Variants in ETV6 observed in about 807,000 individuals in gnomAD.
ETV6 encodes the protein ETS variant transcription factor 6.
A neutral mutation model predicts 51.1 loss-of-function variants in ETV6; 16 were observed. The ratio of observed to expected loss-of-function variants is 0.31; its 90% CI spans 0.21 to 0.48. ETV6 has a LOEUF of 0.48. Ranked by LOEUF, ETV6 falls within the 20% of genes least tolerant of loss-of-function variation. The probability of loss-of-function intolerance (pLI) is 0.99; values close to 1 mark genes in which losing one functional copy is unlikely to be tolerated. For missense variants in ETV6, 458 were observed against 594.8 expected, an observed-to-expected ratio of 0.77 and a Z score of 2.39; for synonymous variants, 240 against 224.1, an observed-to-expected ratio of 1.07 and a Z score of -0.64.
chr12:11,859,437 G>A (rs1028744814), intron 4 of ETV6, among the ~76,000 whole-genome samples: 2 of 151,904 alleles, frequency 1.3e-5, no homozygotes, highest in African/African-American at 2.4e-5. Context: ...CACCACACCC[G>A]GCCTGAATCT....
chr12:11,683,829 T>G (rs887155531), intron 1 of ETV6, among the ~76,000 whole-genome samples: 2 of 152,192 alleles, frequency 1.3e-5, no homozygotes, highest in Non-Finnish European at 2.9e-5. Context: ...GTGTTACCTT[T>G]TTTTCCTGTG....
chr12:11,716,098 C>T (rs576866345), intron 1 of ETV6, among the ~76,000 whole-genome samples: 5 of 152,150 alleles, frequency 3.3e-5, no homozygotes, highest in East Asian at 3.9e-4. Flanking sequence ...CGGTGGCTGA[C>T]GCCTGTAATC....
chr12:11,724,093 G>T (rs915562610), intron 1 of ETV6, among the ~76,000 whole-genome samples: 1 of 152,104 alleles, frequency 6.6e-6, no homozygotes, highest in African/African-American at 2.4e-5. Flanking sequence ...TAGGGAAGCT[G>T]GTTGTCAAGT....
chr12:11,727,915 G>T (rs1004561605), intron 1 of ETV6, among the ~76,000 whole-genome samples: 5 of 152,102 alleles, frequency 3.3e-5, no homozygotes, highest in African/African-American at 4.8e-5. Context: ...TACCTCCCGG[G>T]CTCAAGCAGT....
chr12:11,831,656 C>T (rs1006775308), intron 2 of ETV6, among the ~76,000 whole-genome samples: 6 of 152,182 alleles, frequency 3.9e-5, no homozygotes, highest in East Asian at 3.8e-4. Context: ...AATATTTTTA[C>T]GTTTCATTGT....
chr12:11,874,542 GTACACACATATATGTGTA>G (rs1565562500), intron 5 of ETV6, among the ~76,000 whole-genome samples: 702 of 4,754 alleles, frequency 0.15, 45 homozygotes, highest in East Asian at 0.83. Context: ...ATGTGCGTGT[GTACACACATATATGTGTA>G]TGTGCGTGTG....
At chr12:11,879,576 C>A (rs966528144) in intron 5 of ETV6, among the ~76,000 whole-genome samples, 1 of 152,124 alleles carries the variant, frequency 6.6e-6, no homozygotes, top group Non-Finnish European at 1.5e-5. Context: ...ACCGAGGGTA[C>A]CTCACCCAGC....
chr12:11,785,379 A>T (rs1477536133), intron 2 of ETV6, among the ~76,000 whole-genome samples: 1 of 151,856 alleles, frequency 6.6e-6, no homozygotes, highest in Admixed American at 6.6e-5. Flanking sequence ...TTTCCATGAC[A>T]TTTTTTCCTC....
In ETV6 at chr12:11,752,699, G is replaced by A. The variant is rs1196945101; in HGVS notation, c.163+120G>A. The A allele has an allele frequency of 1.4e-5, 18 of 1,322,552 alleles. No homozygotes were observed. The East Asian group carries it at 1.9e-4, about 14-fold the overall frequency. 81.9% of individuals were successfully genotyped at this position (1,322,552 alleles called of 1,614,324 possible). ...GGTGGTTTTCACAGGACTTCGCCAC[G>A]CTGCTTTGGAATCTTTCACACCCCC... On this transcript the variant is annotated intron_variant, in intron 2 of 7. Transcript: ENST00000396373.
chr12:11,876,445 T>C (rs1282038115), intron 5 of ETV6, among the ~76,000 whole-genome samples: 5 of 152,204 alleles, frequency 3.3e-5, no homozygotes, highest in African/African-American at 1.2e-4. Flanking sequence ...GCTTTAACTA[T>C]AGACAGCTAA....
chr12:11,807,696 AC>A (rs1422690344), intron 2 of ETV6, among the ~76,000 whole-genome samples: 38 of 152,320 alleles, frequency 2.5e-4, no homozygotes, highest in African/African-American at 8.7e-4. Flanking sequence ...GGGAGGCTTT[AC>A]CTAAGTGGTT....
chr12:11,678,958 G>A (rs1260383307), intron 1 of ETV6, among the ~76,000 whole-genome samples: 1 of 152,170 alleles, frequency 6.6e-6, no homozygotes, highest in Non-Finnish European at 1.5e-5. Context: ...CCACATTGGG[G>A]AGGGAGACTG....
At chr12:11,851,141 G>A (rs1264161334) in intron 3 of ETV6, among the ~76,000 whole-genome samples, 3 of 151,642 alleles carry the variant, frequency 2.0e-5, no homozygotes, top group South Asian at 2.1e-4. Context: ...ACACCAGCCC[G>A]CCTGGTTAAG....
chr12:11,755,850 T>C (rs939545248), intron 2 of ETV6, among the ~76,000 whole-genome samples: 1 of 152,184 alleles, frequency 6.6e-6, no homozygotes, highest in African/African-American at 2.4e-5. Flanking sequence ...CAGATTGGTA[T>C]GCCTCAAAGT....
At chr12:11,656,658 C>T (rs1864003846) in intron 1 of ETV6, among the ~76,000 whole-genome samples, 1 of 152,024 alleles carries the variant, frequency 6.6e-6, no homozygotes, top group African/African-American at 2.4e-5. Context: ...TTGTTTTTCT[C>T]AGATGCCTTT....
chr12:11,879,095 T>A (rs549906819), intron 5 of ETV6, among the ~76,000 whole-genome samples: 1 of 151,590 alleles, frequency 6.6e-6, no homozygotes, highest in African/African-American at 2.4e-5. Context: ...TAGTAGCAAC[T>A]TTTTTTTTCA....
chr12:11,819,756 C>T (rs1446177305), intron 2 of ETV6, among the ~76,000 whole-genome samples: 1 of 152,208 alleles, frequency 6.6e-6, no homozygotes, highest in Non-Finnish European at 1.5e-5. Flanking sequence ...TTTCTCCATC[C>T]CTTCTGCTTT....
At chr12:11,780,565 A>G (rs1227402467) in intron 2 of ETV6, among the ~76,000 whole-genome samples, 1 of 152,222 alleles carries the variant, frequency 6.6e-6, no homozygotes, top group African/African-American at 2.4e-5. Flanking sequence ...AGATGGAGCC[A>G]TAAGGACAGT....
intron 1 of ETV6, among the ~76,000 whole-genome samples, chr12:11,683,231 A>T (rs1008137843): frequency 6.6e-6 from 1 of 152,110 alleles, no homozygotes; most frequent in African/African-American, 2.4e-5. Context: ...TTTAGTAGAG[A>T]CGGGGTTTTG....
Sources: gnomAD v4.1 joint callset for allele counts (sites outside exome capture counted in the v4.1 genomes callset) on GRCh38, gnomAD v4.1.1 for gene constraint, MANE v1.5 for transcripts, NCBI Gene and HGNC (gene_info 2026-07-23, HGNC 2026-07-21) for gene names.